The following TXNDC11 variants were observed in gnomAD, a reference collection of about 807,000 sequenced individuals.
TXNDC11 encodes thioredoxin domain-containing protein 11.
TXNDC11 carries 68 observed loss-of-function variants against 78.0 expected under a neutral mutation model. The observed-to-expected ratio is 0.87, with a 90% confidence interval of 0.72 to 1.07. The LOEUF is 1.07. TXNDC11 is among the 50% of genes least tolerant of loss of function. TXNDC11 has a pLI of 0.00. For missense variants in TXNDC11, 1,389 were observed against 1,221.8 expected (o/e 1.14, Z -2.04); for synonymous variants, 571 against 495.2 (o/e 1.15, Z -2.03).
intron 5 of TXNDC11, among the ~76,000 whole-genome samples, chr16:11,716,538 C>T (rs1455951958): frequency 6.6e-6 from 1 of 152,110 alleles, no homozygotes; most frequent in East Asian, 1.9e-4. Flanking sequence ...CAAAGATTGC[C>T]AGCCCACAAT....
At position 11,687,949 on chromosome 16, in the gene TXNDC11, A is replaced by G. The variant is rs757036120; in HGVS notation, c.2061T>C (p.Tyr687=). The G allele has an allele frequency of 7.4e-6, 12 of 1,613,626 alleles. No homozygotes were observed. The highest frequency in any genetic ancestry group is 8.5e-6 in the Non-Finnish European group (10 of 1,179,632). The change falls in exon 10 of 12, where the codon TAT becomes TAC. Residue 687 remains tyrosine, a synonymous_variant. Transcript: ENST00000283033. The part of the protein sequence containing the change: ...VLQKQDVLLL[Y]YAPWCGFCPS... ...GACAGAAGCCGCACCACGGAGCGTAATAGAGCAGGAGAACGTCCTGTGGGA... is the reference window on the plus strand; with the variant it reads ...GACAGAAGCCGCACCACGGAGCGTAGTAGAGCAGGAGAACGTCCTGTGGGA...
rs1164086128 is a variant in TXNDC11, at chr16:11,742,774, G to C, written c.-44C>G. 4.2e-6 allele frequency: 6 copies of C among 1,415,174 alleles called. No homozygotes were observed. The highest frequency in any genetic ancestry group is 5.5e-6 in the Non-Finnish European group (6 of 1,091,272). The allele number at this position is 1,415,174 out of a possible 1,614,324, so 87.7% of individuals were successfully genotyped here. A position where few individuals can be genotyped will look rare whatever the true frequency, so the allele number is the denominator to read the frequency against. On this transcript the variant is annotated 5_prime_UTR_variant, in exon 1 of 12. Transcript: ENST00000283033. ...GGCTTTATACCGCCGCCGCCGCCTC[G>C]GGCCCGAAGGCCCGGCCCGGCCCGT...
chr16:11,699,883 A>G (rs1423224440), intron 6 of TXNDC11, among the ~76,000 whole-genome samples: 2 of 152,254 alleles, frequency 1.3e-5, no homozygotes, highest in Non-Finnish European at 2.9e-5. Context: ...AGCAGGACAC[A>G]GGTCAATGCT....
rs1217329115 is a variant in TXNDC11 at position 11,679,156 on chromosome 16, A to G, written c.*39T>C. The G allele has an allele frequency of 1.3e-6, 2 of 1,591,976 alleles. No homozygotes were observed. Among genetic ancestry groups the G allele is most frequent in the South Asian group, 2.3e-5 (2 of 87,612 alleles). On this transcript the variant is annotated 3_prime_UTR_variant, in exon 12 of 12. Transcript: ENST00000283033. This position sits in a 1 kb window ranked among gnomAD's most constrained non-coding sequence, Gnocchi z 4.6. ...ATTTGCATAAATATATTCCCAATGT[A>G]CAATTTTCACCTCTGATTTCTTCAT...
At chr16:11,688,970 A>G (rs1435913250) in intron 8 of TXNDC11, among the ~76,000 whole-genome samples, 1 of 152,158 alleles carries the variant, frequency 6.6e-6, no homozygotes, top group Non-Finnish European at 1.5e-5. Context: ...TATGTAGTGG[A>G]AAAATACATA....
intron 6 of TXNDC11, 112 bp from the exon 7 acceptor site, chr16:11,698,437 G>A: frequency 1.1e-6 from 1 of 883,958 alleles, no homozygotes; most frequent in Non-Finnish European, 1.8e-6. Context: ...ACCCAGGCGT[G>A]GAGCGGGGCC....
chr16:11,735,947 C>T, intron 2 of TXNDC11, 70 bp downstream of exon 2: 1 of 1,493,480 alleles, frequency 6.7e-7, no homozygotes, highest in African/African-American at 1.4e-5. Flanking sequence ...CAAGGTGTCT[C>T]TGTGGGGACA....
At chr16:11,687,006 T>C (rs1008464071) in intron 10 of TXNDC11, among the ~76,000 whole-genome samples, 2 of 152,206 alleles carry the variant, frequency 1.3e-5, no homozygotes, top group Admixed American at 6.5e-5. Context: ...TCTCCCAACA[T>C]AGTAACTCCT....
In TXNDC11 at chr16:11,691,388, C is replaced by G. The variant is rs1331682905; in HGVS notation, c.1802G>C (p.Ser601Thr). The G allele has an allele frequency of 6.2e-7, 1 of 1,614,208 alleles. No homozygotes were observed. The highest frequency in any genetic ancestry group is 1.7e-5 in the Admixed American group (1 of 60,026). ...CGCAAATTCTTTCACCTGAGTGGAG[C>G]TCGGAGCACCCAGTCTCTCTGCATA... is the stretch of plus-strand genomic sequence containing the variant. ...WLYAERLGAP[S>T]STQVKEFAAI... Residue 601 changes from serine (S) to threonine (T), a missense_variant, in exon 8 of 12, where the codon AGC (serine) becomes ACC (threonine). Physicochemically the swap from Ser to Thr is moderately conservative, Grantham distance 58. Coordinates refer to ENST00000283033, the MANE Select transcript of TXNDC11 (RefSeq NM_015914.7).
Position 11,688,321 on chromosome 16 carries a change from T to G in TXNDC11, c.2025A>C (p.Glu675Asp). ...TCCATACCTGTTTTTGAAGGACTACTTCCCAAAAGGTATCAGTTGTCACTT... is the reference window on the plus strand; with the variant it reads ...TCCATACCTGTTTTTGAAGGACTACGTCCCAAAAGGTATCAGTTGTCACTT... Reference protein sequence around the residue: ...ITEVTTDTFWEVVLQKQDVLL... With the variant: ...ITEVTTDTFWDVVLQKQDVLL... The change falls in exon 9 of 12, where the codon GAA (glutamate) becomes GAC (aspartate). Residue 675 changes from glutamate (E) to aspartate (D), a missense_variant. By Grantham distance (45) the Glu-to-Asp change is conservative. Transcript: ENST00000283033. 6.2e-7 allele frequency: 1 copy of G among 1,613,984 alleles called. No homozygotes were observed. Among genetic ancestry groups the G allele is most frequent in the Middle Eastern group, 1.6e-4 (1 of 6,062 alleles).
At position 11,742,698 on chromosome 16, in the gene TXNDC11, G is replaced by A. The variant is rs776649894; in HGVS notation, c.33C>T (p.Ser11=). 61 of 1,478,974 alleles carry A rather than the reference G, an allele frequency of 4.1e-5. No homozygotes were observed. Among genetic ancestry groups the A allele is most frequent in the Non-Finnish European group, 4.9e-5 (55 of 1,124,802 alleles). 91.6% of individuals were successfully genotyped at this position (1,478,974 alleles called of 1,614,324 possible). MSECGGRGGG[S]SSSEDAEDEG... is the part of the protein sequence containing the mutation. ...CGTCCTCGGCGTCCTCGCTGCTGCT[G>A]CTGCCGCCGCCGCGGCCTCCGCATT... Residue 11 remains serine (S), a synonymous_variant, in exon 1 of 12, where the codon AGC becomes AGT. Transcript: ENST00000283033.
chr16:11,694,710 C>T (rs182860158), intron 7 of TXNDC11, among the ~76,000 whole-genome samples: 1 of 152,270 alleles, frequency 6.6e-6, no homozygotes, highest in African/African-American at 2.4e-5. Context: ...TCCTCAGCCT[C>T]CCAAAGTGCT....
Position 11,682,983 on chromosome 16 carries a change from C to T in TXNDC11, c.2234+1182G>A, listed in dbSNP as rs116010792. 5.9e-3 allele frequency among the ~76,000 whole-genome samples: 902 copies of T among 152,288 alleles called. 6 individuals carry two copies. The highest frequency in any genetic ancestry group is 0.021 in the African/African-American group (864 of 41,556). ...GGAGGCAGGAAATTAAAACAGCAAA[C>T]GTCATACATGCGAGCCAGGGAACTC... On this transcript the variant is annotated intron_variant, in intron 11 of 11. Transcript: ENST00000283033.
At chr16:11,681,757 A>G (rs750290810) in intron 11 of TXNDC11, among the ~76,000 whole-genome samples, 26 of 152,224 alleles carry the variant, frequency 1.7e-4, no homozygotes, top group Non-Finnish European at 3.7e-4. Flanking sequence ...TGGCTGGAGG[A>G]GCACCTGCTC....
chr16:11,683,862 G>C (rs903721023), intron 11 of TXNDC11, among the ~76,000 whole-genome samples: 2 of 149,240 alleles, frequency 1.3e-5, no homozygotes, highest in African/African-American at 5.0e-5. Flanking sequence ...AGAGATTCTC[G>C]TGCCTCAGCC....
chr16:11,685,464 T>A (rs2050541221), intron 10 of TXNDC11, among the ~76,000 whole-genome samples: 1 of 151,642 alleles, frequency 6.6e-6, no homozygotes, highest in African/African-American at 2.4e-5. Flanking sequence ...GCTAACGCGG[T>A]GAAACGCCAC....
Position 11,737,851 on chromosome 16 carries a change from CA to C in TXNDC11, c.255-1619del, listed in dbSNP as rs538318388. Among the ~76,000 whole-genome samples, 384 of 54,178 alleles carry C rather than the reference CA, an allele frequency of 7.1e-3. 1 individual carries two copies. Among genetic ancestry groups the C allele is most frequent in the Middle Eastern group, 0.03 (3 of 100 alleles). The allele number at this position is 54,178 out of a possible 152,430, so 35.5% of individuals were successfully genotyped here. A position where few individuals can be genotyped will look rare whatever the true frequency, so the allele number is the denominator to read the frequency against. On this transcript the variant is annotated intron_variant, in intron 1 of 11. Coordinates refer to ENST00000283033, the MANE Select transcript of TXNDC11 (RefSeq NM_015914.7). ...GGCAACAGAGCGAGACTACGTCTCT[CA>C]AAAAAAAAAAAAAAAAAAAAAAGGA...
chr16:11,707,812 T>C (rs758591179), intron 5 of TXNDC11, among the ~76,000 whole-genome samples: 19 of 151,978 alleles, frequency 1.3e-4, no homozygotes, highest in Non-Finnish European at 2.5e-4. Flanking sequence ...CTGGGTATGG[T>C]AGCTCACATC....
At chr16:11,712,762 G>C (rs1382039833) in intron 5 of TXNDC11, among the ~76,000 whole-genome samples, 1 of 151,992 alleles carries the variant, frequency 6.6e-6, no homozygotes, top group Non-Finnish European at 1.5e-5. Context: ...AGATCAGCCA[G>C]GGTAACGTGG....
Sources: gnomAD v4.1 joint callset for allele counts (sites outside exome capture counted in the v4.1 genomes callset) on GRCh38, gnomAD v4.1.1 for gene constraint, Gnocchi (gnomAD v3.1) non-coding constraint, MANE v1.5 for transcripts, NCBI Gene and HGNC (gene_info 2026-07-23, HGNC 2026-07-21) for gene names.